Variants in CSGALNACT1 observed in about 807,000 individuals in gnomAD.
CSGALNACT1 encodes chondroitin sulfate N-acetylgalactosaminyltransferase 1.
A neutral mutation model predicts 51.0 loss-of-function variants in CSGALNACT1; 52 were observed. That is an observed-to-expected ratio of 1.02 (90% CI 0.82 to 1.29). The LOEUF is 1.29. Ranked by LOEUF, CSGALNACT1 falls within the 50% of genes most tolerant of loss-of-function variation. CSGALNACT1 has a pLI of 0.00. For synonymous variants in CSGALNACT1, 341 were observed against 254.4 expected, an observed-to-expected ratio of 1.34 and a Z score of -3.24; for missense variants, 935 against 679.2, an observed-to-expected ratio of 1.38 and a Z score of -4.19.
At chr8:19,488,879 T>C (rs2073733376) in intron 4 of CSGALNACT1, among the ~76,000 whole-genome samples, 1 of 152,320 alleles carries the variant, frequency 6.6e-6, no homozygotes, top group Non-Finnish European at 1.5e-5. Flanking sequence ...GGGATGGGAT[T>C]GTCTCATCAA....
chr8:19,704,254 T>C lies in CSGALNACT1; in HGVS notation c.-297+53596A>G, dbSNP rs144932004. On this transcript the variant is annotated intron_variant, in intron 1 of 1. Transcript: ENST00000517494. Reference sequence around the variant, plus strand: ...AGAAAGAAGAAAGGTAACAGGGCATTTGAATCACAGACCCTTCCAGGCCGA... The same window carrying C: ...AGAAAGAAGAAAGGTAACAGGGCATCTGAATCACAGACCCTTCCAGGCCGA... 9.5e-4 allele frequency among the ~76,000 whole-genome samples: 145 copies of C among 152,344 alleles called. 1 individual carries two copies. Among genetic ancestry groups the C allele is most frequent in the African/African-American group, 3.5e-3 (145 of 41,578 alleles).
At chr8:19,569,663 C>G (rs907274686) in intron 3 of CSGALNACT1, among the ~76,000 whole-genome samples, 3 of 152,174 alleles carry the variant, frequency 2.0e-5, no homozygotes, top group Non-Finnish European at 4.4e-5. Context: ...TATAACCAAT[C>G]TGTAACTCTG....
intron 1 of CSGALNACT1, among the ~76,000 whole-genome samples, chr8:19,713,565 T>G (rs1338979727): frequency 1.3e-5 from 2 of 152,158 alleles, no homozygotes; most frequent in Non-Finnish European, 2.9e-5. Context: ...CTGGATCCCA[T>G]GTGAATGGTA....
intron 4 of CSGALNACT1, among the ~76,000 whole-genome samples, chr8:19,467,939 T>A (rs543716487): frequency 6.6e-6 from 1 of 152,330 alleles, no homozygotes; most frequent in East Asian, 1.9e-4. Flanking sequence ...TGAGCTGTGA[T>A]TGCGCTGCTG....
At chr8:19,544,160 C>G (rs1444014103) in intron 3 of CSGALNACT1, among the ~76,000 whole-genome samples, 1 of 151,616 alleles carries the variant, frequency 6.6e-6, no homozygotes, top group African/African-American at 2.4e-5. Flanking sequence ...ACATGGCTGT[C>G]AAACTATAGA....
chr8:19,529,713 T>G lies in CSGALNACT1; in HGVS notation c.-296-23583A>C, dbSNP rs985994958. On this transcript the variant is annotated intron_variant, in intron 3 of 9. Coordinates refer to ENST00000454498, the Ensembl canonical transcript of CSGALNACT1. ...CGCTTGGTATCCATGAGGGACAGAT[T>G]CCAGGACTCCTCCATGGATACTAAA... Among the ~76,000 whole-genome samples, 3 of 152,016 alleles carry G rather than the reference T, an allele frequency of 2.0e-5. No individual in the cohort carries two copies. The East Asian group carries it at 5.8e-4, about 29-fold the overall frequency.
intron 3 of CSGALNACT1, among the ~76,000 whole-genome samples, chr8:19,577,768 G>C (rs2044609057): frequency 6.6e-6 from 1 of 152,058 alleles, no homozygotes; most frequent in Admixed American, 6.5e-5. Context: ...TGAGTAAGAA[G>C]CTGCAGCAAC....
intron 3 of CSGALNACT1, among the ~76,000 whole-genome samples, chr8:19,541,246 ATTT>A (rs34749639): frequency 3.1e-4 from 34 of 111,280 alleles, no homozygotes; most frequent in African/African-American, 6.6e-4. Flanking sequence ...AACTTGGCTA[ATTT>A]TTTTTTTTTT....
intron 1 of CSGALNACT1, among the ~76,000 whole-genome samples, chr8:19,677,247 C>T (rs1011260760): frequency 3.9e-5 from 6 of 152,040 alleles, no homozygotes; most frequent in Non-Finnish European, 7.4e-5. Flanking sequence ...TAGCTGGGAC[C>T]ACAGGCATGC....
At chr8:19,560,519 T>C (rs573046460) in intron 3 of CSGALNACT1, among the ~76,000 whole-genome samples, 3 of 152,238 alleles carry the variant, frequency 2.0e-5, no homozygotes, top group African/African-American at 7.2e-5. Flanking sequence ...CCTGAAAGCA[T>C]AAGAATTCTG....
chr8:19,661,100 G>A (rs1173284681), intron 1 of CSGALNACT1, among the ~76,000 whole-genome samples: 1 of 149,562 alleles, frequency 6.7e-6, no homozygotes, highest in Non-Finnish European at 1.5e-5. Context: ...TTTTTTAGTA[G>A]AGACGGGATT....
intron 3 of CSGALNACT1, among the ~76,000 whole-genome samples, chr8:19,561,477 G>T (rs1032594867): frequency 6.6e-6 from 1 of 152,128 alleles, no homozygotes; most frequent in Non-Finnish European, 1.5e-5. Context: ...CCTCTCCGAG[G>T]CCCCACCAGG....
At chr8:19,521,933 C>T (rs2080810174) in intron 3 of CSGALNACT1, among the ~76,000 whole-genome samples, 3 of 152,168 alleles carry the variant, frequency 2.0e-5, no homozygotes, top group Admixed American at 2.0e-4. Context: ...CTTCATGTGT[C>T]CATTTGTTCT....
At chr8:19,476,780 G>A (rs753160012) in intron 4 of CSGALNACT1, among the ~76,000 whole-genome samples, 1 of 152,126 alleles carries the variant, frequency 6.6e-6, no homozygotes, top group East Asian at 1.9e-4. Context: ...GATACACATG[G>A]GAACTCCAGC....
intron 8 of CSGALNACT1, among the ~76,000 whole-genome samples, chr8:19,409,855 C>T (rs2055283011): frequency 6.6e-6 from 1 of 152,218 alleles, no homozygotes; most frequent in South Asian, 2.1e-4. Context: ...TCCTTCACTT[C>T]TTCATGCATC....
At chr8:19,706,152 G>C (rs1168485071) in intron 1 of CSGALNACT1, among the ~76,000 whole-genome samples, 1 of 152,174 alleles carries the variant, frequency 6.6e-6, no homozygotes, top group Non-Finnish European at 1.5e-5. Context: ...GACAACGGGG[G>C]ACAGCTGTGT....
intron 8 of CSGALNACT1, among the ~76,000 whole-genome samples, chr8:19,413,650 G>A (rs1161303396): frequency 6.6e-6 from 1 of 152,230 alleles, no homozygotes; most frequent in African/African-American, 2.4e-5. Context: ...GGGAGGTAGA[G>A]AGGTCAAGGG....
chr8:19,516,410 C>T (rs2079535389), intron 3 of CSGALNACT1, among the ~76,000 whole-genome samples: 1 of 152,110 alleles, frequency 6.6e-6, no homozygotes. Flanking sequence ...AGACCTGCTC[C>T]TCATTCTACA....
At chr8:19,582,037 C>T (rs7818368) in intron 3 of CSGALNACT1, among the ~76,000 whole-genome samples, 25,181 of 152,154 alleles carry the variant, frequency 0.17, 2,195 homozygotes, top group Non-Finnish European at 0.18. Flanking sequence ...ATCTCTGTTA[C>T]CCAAATGAGT....
Sources: allele counts gnomAD v4.1 joint callset (sites outside exome capture counted in the v4.1 genomes callset), GRCh38; gene constraint gnomAD v4.1.1; transcripts MANE v1.5; gene names NCBI Gene and HGNC (gene_info 2026-07-23, HGNC 2026-07-21).